The following NRXN3 variants were observed in gnomAD, a reference collection of about 807,000 sequenced individuals.
NRXN3 encodes neurexin 3, also known as neurexin III.
Under a neutral mutation model 137.6 loss-of-function variants are expected in NRXN3, and 32 were observed. That is an observed-to-expected ratio of 0.23 (90% CI 0.18 to 0.31). The LOEUF (loss-of-function observed/expected upper bound fraction) is 0.31, where lower values mean the gene tolerates loss of function less well. Ranked by LOEUF, NRXN3 falls within the 10% of genes least tolerant of loss-of-function variation. The pLI is 1.00. For synonymous variants in NRXN3, 798 were observed against 784.5 expected (o/e 1.02, Z -0.29); for missense variants, 1,574 against 2,062.5 (o/e 0.76, Z 4.59).
chr14:79,265,789 C>T (rs965523545), intron 15 of NRXN3, among the ~76,000 whole-genome samples: 2 of 152,204 alleles, frequency 1.3e-5, no homozygotes, highest in Admixed American at 1.3e-4. Flanking sequence ...ATGGCTTGCT[C>T]TCTGCCTGAA....
chr14:78,461,896 T>A (rs2094931847), intron 4 of NRXN3, among the ~76,000 whole-genome samples: 3 of 152,202 alleles, frequency 2.0e-5, no homozygotes, highest in Admixed American at 2.0e-4. Flanking sequence ...TATGCATAAG[T>A]GAAGTCAGAC....
At chr14:78,456,863 T>TTCTC (rs1555540251) in intron 4 of NRXN3, among the ~76,000 whole-genome samples, 1 of 121,822 alleles carries the variant, frequency 8.2e-6, no homozygotes, top group Non-Finnish European at 1.9e-5. Flanking sequence ...CTTTTTCTCT[T>TTCTC]TCTTTCTTTC....
At chr14:78,179,834 G>GTTTTTTTTTTTTTTTTTTTTTTTTT (rs1325344906) in intron 1 of NRXN3, among the ~76,000 whole-genome samples, 5 of 111,386 alleles carry the variant, frequency 4.5e-5, no homozygotes, top group Admixed American at 8.5e-5. Flanking sequence ...GTTTGTTTCT[G>GTTTTTTTTTTTTTTTTTTTTTTTTT]TTTTTTTGTT....
chr14:78,235,747 T>C (rs1288816290), intron 1 of NRXN3, among the ~76,000 whole-genome samples: 4 of 152,314 alleles, frequency 2.6e-5, no homozygotes, highest in South Asian at 2.1e-4. Flanking sequence ...CCTTGGAGGC[T>C]GTTTCCCCTT....
chr14:79,384,799 G>A (rs2094560163), intron 15 of NRXN3, among the ~76,000 whole-genome samples: 1 of 152,142 alleles, frequency 6.6e-6, no homozygotes. Flanking sequence ...TCCATAAAAT[G>A]AGGGTAATAA....
intron 20 of NRXN3, among the ~76,000 whole-genome samples, chr14:79,843,879 T>A (rs1447192719): frequency 1.3e-5 from 2 of 152,120 alleles, no homozygotes; most frequent in East Asian, 3.9e-4. Context: ...TTGTACCCAA[T>A]ATATAGTCTT....
intron 3 of NRXN3, among the ~76,000 whole-genome samples, chr14:78,285,015 T>G (rs1333655277): frequency 6.6e-6 from 1 of 152,222 alleles, no homozygotes; most frequent in Non-Finnish European, 1.5e-5. Flanking sequence ...TGCTTGGTAG[T>G]TCTGCCACTT....
intron 15 of NRXN3, among the ~76,000 whole-genome samples, chr14:79,024,187 T>C (rs925455508): frequency 6.6e-6 from 1 of 152,086 alleles, no homozygotes; most frequent in Non-Finnish European, 1.5e-5. Flanking sequence ...CATTCTTACA[T>C]ACAGAGGGTG....
chr14:79,055,967 A>T (rs528180146), intron 15 of NRXN3, among the ~76,000 whole-genome samples: 3 of 152,196 alleles, frequency 2.0e-5, no homozygotes, highest in Admixed American at 6.5e-5. Flanking sequence ...TTTGTACCTT[A>T]TGGGTACTGA....
intron 9 of NRXN3, 101 bp from the exon 10 acceptor site, chr14:78,810,217 G>A (rs539265090): frequency 1.0e-5 from 7 of 703,040 alleles, no homozygotes; most frequent in South Asian, 6.8e-5. Flanking sequence ...CATTTCTTAC[G>A]TGTGTCTGTC....
intron 15 of NRXN3, among the ~76,000 whole-genome samples, chr14:79,139,437 C>T (rs2058580855): frequency 6.6e-6 from 1 of 151,982 alleles, no homozygotes; most frequent in African/African-American, 2.4e-5. Context: ...TAACACCATC[C>T]ATATGAGATT....
intron 10 of NRXN3, among the ~76,000 whole-genome samples, chr14:78,872,776 C>T (rs1193190961): frequency 2.6e-5 from 4 of 151,854 alleles, no homozygotes; most frequent in Admixed American, 6.6e-5. Flanking sequence ...TCTCTCTGTG[C>T]GTTTTCTGCA....
At chr14:79,708,388 C>G (rs117939221) in intron 19 of NRXN3, among the ~76,000 whole-genome samples, 1 of 151,820 alleles carries the variant, frequency 6.6e-6, no homozygotes, top group African/African-American at 2.4e-5. Context: ...GTCCTGGAAC[C>G]AATCAATCCC....
At chr14:78,606,194 C>G (rs999293075) in intron 4 of NRXN3, among the ~76,000 whole-genome samples, 3 of 152,208 alleles carry the variant, frequency 2.0e-5, no homozygotes, top group African/African-American at 7.2e-5. Flanking sequence ...GAAATTTACA[C>G]ATTAACATCT....
chr14:79,408,789 C>T (rs1167599862), intron 15 of NRXN3, among the ~76,000 whole-genome samples: 1 of 152,122 alleles, frequency 6.6e-6, no homozygotes, highest in African/African-American at 2.4e-5. Context: ...CCTCTCCTTA[C>T]TCCTTTGTTC....
chr14:78,464,955 G>T (rs1314907495), intron 4 of NRXN3, among the ~76,000 whole-genome samples: 2 of 152,136 alleles, frequency 1.3e-5, no homozygotes, highest in Admixed American at 6.5e-5. Context: ...AATGTAATTA[G>T]ATTTTCACAT....
chr14:79,454,913 T>C (rs2096237488), intron 15 of NRXN3, among the ~76,000 whole-genome samples: 1 of 152,232 alleles, frequency 6.6e-6, no homozygotes, highest in African/African-American at 2.4e-5. Context: ...TCTGAAATCA[T>C]ATTTTTCTTC....
chr14:79,479,840 G>A (rs1296194001), intron 16 of NRXN3, among the ~76,000 whole-genome samples: 1 of 152,078 alleles, frequency 6.6e-6, no homozygotes, highest in African/African-American at 2.4e-5. Flanking sequence ...GGTTTTGAAT[G>A]CAGTGCGGTA....
At chr14:79,058,837 A>C (rs1428861591) in intron 15 of NRXN3, among the ~76,000 whole-genome samples, 2 of 152,068 alleles carry the variant, frequency 1.3e-5, no homozygotes, top group Non-Finnish European at 2.9e-5. Flanking sequence ...AACGTGTGGC[A>C]TTTCCCCTGC....
Sources: gnomAD v4.1 joint callset for allele counts (sites outside exome capture counted in the v4.1 genomes callset) on GRCh38, gnomAD v4.1.1 for gene constraint, MANE v1.5 for transcripts, NCBI Gene and HGNC (gene_info 2026-07-23, HGNC 2026-07-21) for gene names.